Variants in MRE11 observed in about 807,000 individuals in gnomAD.
MRE11 encodes double-strand break repair protein MRE11.
Under a neutral mutation model 91.7 loss-of-function variants are expected in MRE11, and 62 were observed. The observed-to-expected ratio is 0.68, with a 90% CI of 0.55 to 0.84. The LOEUF (loss-of-function observed/expected upper bound fraction) is 0.84. MRE11 is among the 40% of genes least tolerant of loss of function. MRE11 has a pLI of 0.00. For synonymous variants in MRE11, 273 were observed against 271.4 expected, an observed-to-expected ratio of 1.01 and a Z score of -0.06; for missense variants, 796 against 852.9, an observed-to-expected ratio of 0.93 and a Z score of 0.83.
At chr11:94,469,558 T>C (rs1946653356) in intron 9 of MRE11, among the ~76,000 whole-genome samples, 1 of 152,148 alleles carries the variant, frequency 6.6e-6, no homozygotes, top group Admixed American at 6.6e-5. Context: ...AATCTATGTT[T>C]GAGTTTCTAG....
In MRE11 at chr11:94,417,910, T is replaced by G. The variant is rs1242418749; in HGVS notation, c.*2215A>C. ...CTTTAACCTTGTAAATGCACTGTTG[T>G]ATTTTTATGATAGGAAATAAAACAC... On this transcript the variant is annotated 3_prime_UTR_variant, in exon 20 of 20. Coordinates refer to ENST00000323929, the MANE Select transcript of MRE11 (RefSeq NM_005591.4). The G allele has an allele frequency of 4.3e-6, 1 of 232,972 alleles. No individual in the cohort carries two copies. The highest frequency in any genetic ancestry group is 2.2e-5 in the African/African-American group (1 of 45,340). 14.4% of individuals were successfully genotyped at this position (232,972 alleles called of 1,614,324 possible). A position where few individuals can be genotyped will look rare whatever the true frequency, so the allele number is the denominator to read the frequency against.
At chr11:94,445,634 C>T in intron 16 of MRE11, 176 bp downstream of exon 16, 2 of 594,708 alleles carry the variant, frequency 3.4e-6, no homozygotes, top group Non-Finnish European at 6.0e-6. Context: ...AAAAGCTTAC[C>T]CTCTTCAGTA....
chr11:94,458,182 GTT>G (rs767925495), intron 13 of MRE11, among the ~76,000 whole-genome samples: 1 of 138,132 alleles, frequency 7.2e-6, no homozygotes. Flanking sequence ...AAGGGAATGA[GTT>G]TTTTTTTTTT....
intron 11 of MRE11, among the ~76,000 whole-genome samples, chr11:94,461,663 G>A (rs963124353): frequency 2.6e-5 from 4 of 152,224 alleles, no homozygotes; most frequent in African/African-American, 4.8e-5. Flanking sequence ...ATTAGGAAAA[G>A]AGGAAGTCAA....
chr11:94,471,530 A>G, intron 8 of MRE11, 44 bp downstream of exon 8: 1 of 1,584,320 alleles, frequency 6.3e-7, no homozygotes, highest in Non-Finnish European at 8.7e-7. Context: ...TAGTTATTAT[A>G]GCAAAGATTT....
intron 19 of MRE11, among the ~76,000 whole-genome samples, chr11:94,429,560 A>G (rs1053879267): frequency 6.6e-6 from 1 of 152,232 alleles, no homozygotes; most frequent in Non-Finnish European, 1.5e-5. Context: ...GCAAATTAAC[A>G]GGAACAGAAA....
In MRE11 at chr11:94,470,405, A is replaced by G. The variant is rs980366504; in HGVS notation, c.1017+66T>C. ...AGGCTTCCCTCTACTCTATTAAATT[A>G]CTTAATTGAAGGTGAATAATTCTTC... On this transcript the variant is annotated intron_variant, in intron 9 of 19. Coordinates refer to ENST00000323929, the MANE Select transcript of MRE11 (RefSeq NM_005591.4). 6 of 1,479,914 alleles carry G rather than the reference A, an allele frequency of 4.1e-6. No homozygotes were observed. In the African/African-American group the frequency reaches 8.4e-5, roughly 21 times the overall value. The allele number at this position is 1,479,914 out of a possible 1,614,324, so 91.7% of individuals were successfully genotyped here. A position where few individuals can be genotyped will look rare whatever the true frequency, so the allele number is the denominator to read the frequency against.
At chr11:94,459,130 T>C (rs1232458294) in intron 13 of MRE11, among the ~76,000 whole-genome samples, 1 of 152,186 alleles carries the variant, frequency 6.6e-6, no homozygotes, top group African/African-American at 2.4e-5. Flanking sequence ...AAAATTACCA[T>C]CCTACAAGGT....
chr11:94,478,794 A>G lies in MRE11; in HGVS notation c.485T>C (p.Ile162Thr), dbSNP rs150656288. 3.7e-6 allele frequency: 6 copies of G among 1,613,612 alleles called. No homozygotes were observed. The African/African-American group carries it at 6.7e-5, about 18-fold the overall frequency. ...TTGAAGCAAAACCGGACTAATGTCT[A>G]TCTTCTCCACAGACATTGAACGTCC... The part of the protein sequence containing the change: ...HFGRSMSVEK[I>T]DISPVLLQKG... The change falls in exon 6 of 20, where the codon ATA (isoleucine) becomes ACA (threonine). Residue 162 changes from isoleucine (I) to threonine (T), a missense_variant. Coordinates refer to ENST00000323929, the MANE Select transcript of MRE11 (RefSeq NM_005591.4).
At chr11:94,509,644 T>C in the MRE11 span, among the ~76,000 whole-genome samples, 1 of 152,130 alleles carries the variant, frequency 6.6e-6, no homozygotes, top group Non-Finnish European at 1.5e-5. Context: ...GTTTTCACCA[T>C]GTTGGCCAGA....
rs565739510 is a variant in MRE11 at position 94,493,560 on chromosome 11, A to G, written c.-106+231T>C. On this transcript the variant is annotated intron_variant, in intron 1 of 19. Transcript: ENST00000323929. ...TCACCGCAGGGAACCTCGGAATCAG[A>G]ACGCTGAGCCCGCCAGGACCCCTCC... is the stretch of plus-strand genomic sequence containing the variant. 3 of 152,190 alleles carry G rather than the reference A, an allele frequency of 2.0e-5. No homozygotes were observed. The South Asian group carries it at 6.2e-4, about 32-fold the overall frequency. The allele number at this position is 152,190 out of a possible 1,614,324, so 9.4% of individuals were successfully genotyped here. A position where few individuals can be genotyped will look rare whatever the true frequency, so the allele number is the denominator to read the frequency against.
intron 19 of MRE11, among the ~76,000 whole-genome samples, chr11:94,426,727 C>A (rs1035007374): frequency 6.6e-6 from 1 of 152,028 alleles, no homozygotes; most frequent in Non-Finnish European, 1.5e-5. Flanking sequence ...GATGACATTA[C>A]AATTGACCCC....
At chr11:94,466,105 C>T (rs1018723102) in intron 10 of MRE11, among the ~76,000 whole-genome samples, 1 of 152,038 alleles carries the variant, frequency 6.6e-6, no homozygotes, top group Non-Finnish European at 1.5e-5. Context: ...GTATGTCCCA[C>T]GCAACAGGAT....
chr11:94,495,922 T>C (rs1404831077), upstream of MRE11, among the ~76,000 whole-genome samples: 1 of 152,190 alleles, frequency 6.6e-6, no homozygotes, highest in Admixed American at 6.5e-5. Flanking sequence ...AGTTGGCACA[T>C]ACCAGACATT....
At position 94,491,665 on chromosome 11, in the gene MRE11, G is replaced by A. The variant is rs1591728021; in HGVS notation, c.21-700C>T. On this transcript the variant is annotated intron_variant, in intron 2 of 19. Transcript: ENST00000323929. ...CTGACAAATGAGAAGGCTAAACCCA[G>A]AGAAATTAACTGCTTTATCACATAA... Among the ~76,000 whole-genome samples the A allele has an allele frequency of 2.0e-5, 3 of 152,306 alleles. No homozygotes were observed. In the South Asian group the frequency reaches 6.2e-4, roughly 32 times the overall value.
chr11:94,441,000 G>A (rs543202727), intron 16 of MRE11, among the ~76,000 whole-genome samples: 8 of 152,100 alleles, frequency 5.3e-5, no homozygotes, highest in South Asian at 2.1e-4. Context: ...GAGAGTATTC[G>A]GCCACCTTTA....
intron 19 of MRE11, among the ~76,000 whole-genome samples, chr11:94,422,842 T>C (rs753302631): frequency 4.0e-5 from 6 of 151,854 alleles, no homozygotes; most frequent in Admixed American, 6.6e-5. Flanking sequence ...GCCTCCTGAG[T>C]AGGTGGGATT....
chr11:94,444,346 G>C (rs1273515735), intron 16 of MRE11, among the ~76,000 whole-genome samples: 2 of 152,144 alleles, frequency 1.3e-5, no homozygotes, highest in African/African-American at 4.8e-5. Flanking sequence ...GAACTTCCTT[G>C]CTGTGCAAGC....
chr11:94,446,842 G>A (rs1312164852), intron 15 of MRE11, among the ~76,000 whole-genome samples: 1 of 152,148 alleles, frequency 6.6e-6, no homozygotes, highest in Non-Finnish European at 1.5e-5. Flanking sequence ...ATGATCTGGA[G>A]TTTTCCTCCT....
Sources: gnomAD v4.1 joint callset for allele counts (sites outside exome capture counted in the v4.1 genomes callset) on GRCh38, gnomAD v4.1.1 for gene constraint, MANE v1.5 for transcripts, NCBI Gene and HGNC (gene_info 2026-07-23, HGNC 2026-07-21) for gene names.